EYA1: variants seen among roughly 807,000 people sequenced by gnomAD.
EYA1 encodes protein phosphatase EYA1.
A neutral mutation model predicts 82.0 loss-of-function variants in EYA1; 16 were observed. The ratio of observed to expected loss-of-function variants is 0.20; its 90% CI spans 0.13 to 0.30. The LOEUF is 0.30. Ranked by LOEUF, EYA1 falls within the 10% of genes least tolerant of loss-of-function variation. The pLI, the probability that EYA1 is intolerant of heterozygous loss-of-function variation, is 1.00. For synonymous variants in EYA1, 261 were observed against 264.4 expected (o/e 0.99, Z 0.12); for missense variants, 633 against 730.7 (o/e 0.87, Z 1.54).
chr8:71,291,103 C>T (rs959685701), intron 9 of EYA1, among the ~76,000 whole-genome samples: 1 of 152,182 alleles, frequency 6.6e-6, no homozygotes, highest in African/African-American at 2.4e-5. Flanking sequence ...CATCAAGACG[C>T]TTGCTATTGC....
chr8:71,207,507 T>C (rs1807952387), intron 17 of EYA1, among the ~76,000 whole-genome samples: 1 of 152,018 alleles, frequency 6.6e-6, no homozygotes, highest in Non-Finnish European at 1.5e-5. Flanking sequence ...GTACAAAGAG[T>C]GGTTTGCAGC....
At chr8:71,361,207 T>C (rs1827340893) in intron 1 of EYA1, among the ~76,000 whole-genome samples, 1 of 152,256 alleles carries the variant, frequency 6.6e-6, no homozygotes, top group African/African-American at 2.4e-5. Flanking sequence ...GCTTCATTTT[T>C]TTCATATCAA....
Position 71,199,272 on chromosome 8 carries a change from A to G in EYA1, c.*68T>C. ...AGTTCTGGAGGCCGGCGCTGATGCGAGACTGGGGCCTGCTGGATCTGTCCC... is the reference window on the plus strand; with the variant it reads ...AGTTCTGGAGGCCGGCGCTGATGCGGGACTGGGGCCTGCTGGATCTGTCCC... On this transcript the variant is annotated 3_prime_UTR_variant, in exon 18 of 18. Coordinates refer to ENST00000340726, the MANE Select transcript of EYA1 (RefSeq NM_000503.6). 8.4e-7 allele frequency: 1 copy of G among 1,197,030 alleles called. No individual in the cohort carries two copies. Among genetic ancestry groups the G allele is most frequent in the Non-Finnish European group, 1.2e-6 (1 of 823,116 alleles). 74.2% of individuals were successfully genotyped at this position (1,197,030 alleles called of 1,614,324 possible).
rs548015296 is a variant in EYA1, at chr8:71,198,872, A to T, written c.*468T>A. 1 of 187,960 alleles carries T rather than the reference A, an allele frequency of 5.3e-6. No individual in the cohort carries two copies. The highest frequency in any genetic ancestry group is 1.1e-5 in the Non-Finnish European group (1 of 88,800). The allele number at this position is 187,960 out of a possible 1,614,324, so 11.6% of individuals were successfully genotyped here. A position where few individuals can be genotyped will look rare whatever the true frequency, so the allele number is the denominator to read the frequency against. On this transcript the variant is annotated 3_prime_UTR_variant, in exon 18 of 18. Coordinates refer to ENST00000340726, the MANE Select transcript of EYA1 (RefSeq NM_000503.6). ...AAAGTCTGTTCATAAATAAGTAGAG[A>T]TGTACAGATTACCCTGGGTATGAGA...
intron 2 of EYA1, among the ~76,000 whole-genome samples, chr8:71,431,671 G>C (rs115990546): frequency 6.6e-6 from 1 of 152,072 alleles, no homozygotes; most frequent in African/African-American, 2.4e-5. Context: ...TTTGAGGAAA[G>C]TCTTCTTTTA....
rs564266290 is a variant in EYA1, at chr8:71,425,585, T to C, written c.34-69074A>G. The stretch of plus-strand genomic sequence containing the variant: ...CAACCATAAGGGGGGAAATTTCCCT[T>C]ATCTAAGGAGCTTAGTATCAATAAG... On this transcript the variant is annotated intron_variant, in intron 2 of 18. Transcript: ENST00000643681. Among the ~76,000 whole-genome samples the C allele has an allele frequency of 1.7e-3, 263 of 152,322 alleles. 2 individuals are homozygous for C. Among genetic ancestry groups the C allele is most frequent in the African/African-American group, 6.1e-3 (252 of 41,586 alleles).
intron 9 of EYA1, among the ~76,000 whole-genome samples, chr8:71,297,662 T>C (rs1819735494): frequency 6.6e-6 from 1 of 152,182 alleles, no homozygotes; most frequent in Non-Finnish European, 1.5e-5. Context: ...TTCCTCATGA[T>C]GCCTATATGA....
intron 17 of EYA1, among the ~76,000 whole-genome samples, chr8:71,207,678 A>AAAC (rs1243450716): frequency 6.6e-6 from 1 of 152,218 alleles, no homozygotes; most frequent in Non-Finnish European, 1.5e-5. Flanking sequence ...GTCCAAAGAT[A>AAAC]AACAGTGGAA....
chr8:71,451,056 G>T (rs1222046475), intron 2 of EYA1, among the ~76,000 whole-genome samples: 2 of 152,162 alleles, frequency 1.3e-5, no homozygotes, highest in Non-Finnish European at 2.9e-5. Context: ...AATTGTGAAG[G>T]ATTTAGATCA....
chr8:71,199,902 A>T (rs1465994109), intron 17 of EYA1: 1 of 168,208 alleles, frequency 5.9e-6, no homozygotes, highest in African/African-American at 2.4e-5. Context: ...GTTATTCTTC[A>T]TATTGACCTT....
intron 6 of EYA1, among the ~76,000 whole-genome samples, chr8:71,318,618 C>CT (rs1314190425): frequency 6.6e-6 from 1 of 152,130 alleles, no homozygotes; most frequent in Non-Finnish European, 1.5e-5. Context: ...CTCCTTCATT[C>CT]TCACAGAGGG....
chr8:71,217,656 T>A (rs1809384185), intron 12 of EYA1, among the ~76,000 whole-genome samples: 1 of 138,846 alleles, frequency 7.2e-6, no homozygotes, highest in African/African-American at 2.7e-5. Flanking sequence ...AAATAAAAAG[T>A]CAAACCATGT....
rs145219836 is a variant in EYA1 at position 71,244,661 on chromosome 8, C to T, written c.1082G>A (p.Arg361Gln). 2.0e-5 allele frequency: 33 copies of T among 1,610,722 alleles called. No homozygotes were observed. The East Asian group carries it at 4.2e-4, about 21-fold the overall frequency. ...CAAGTTGAAAATCATTTCTTCCATT[C>T]GCAGTCCAAGGGAAACTGAAGTGGG... Reference protein sequence around the residue: ...DPPTSVSLGLRMEEMIFNLAD... With the variant: ...DPPTSVSLGLQMEEMIFNLAD... The change falls in exon 12 of 18, where the codon CGA becomes CAA. Residue 361 changes from arginine to glutamine, a missense_variant. By Grantham distance (43) the Arg-to-Gln change is conservative. Coordinates refer to ENST00000340726, the MANE Select transcript of EYA1 (RefSeq NM_000503.6).
chr8:71,254,221 A>C (rs1814103919), intron 11 of EYA1, among the ~76,000 whole-genome samples: 1 of 141,460 alleles, frequency 7.1e-6, no homozygotes, highest in Non-Finnish European at 1.5e-5. Context: ...TCAAGGATAT[A>C]CCCCATCTAT....
At chr8:71,472,788 G>GAGATAT (rs71555582) in intron 2 of EYA1, among the ~76,000 whole-genome samples, 4,643 of 126,754 alleles carry the variant, frequency 0.037, 95 homozygotes, top group East Asian at 0.085. Flanking sequence ...TAGCTTTGAA[G>GAGATAT]ATATATATAT....
intron 2 of EYA1, among the ~76,000 whole-genome samples, chr8:71,376,039 T>C (rs1828351080): frequency 6.6e-6 from 1 of 152,220 alleles, no homozygotes; most frequent in Non-Finnish European, 1.5e-5. Context: ...GTGTATAAAT[T>C]ATTGACAAAT....
At chr8:71,531,911 A>T (rs1168820498) in intron 2 of EYA1, among the ~76,000 whole-genome samples, 2 of 152,214 alleles carry the variant, frequency 1.3e-5, no homozygotes, top group Admixed American at 6.5e-5. Context: ...TGTGGGAGAC[A>T]CATAAGCAGA....
chr8:71,211,229 A>T lies in EYA1; in HGVS notation c.1625T>A (p.Ile542Asn), dbSNP rs1410459961. 6.2e-7 allele frequency: 1 copy of T among 1,612,898 alleles called. No individual in the cohort carries two copies. Among genetic ancestry groups the T allele is most frequent in the African/African-American group, 1.3e-5 (1 of 74,934 alleles). The change falls in exon 17 of 18, where the codon ATT becomes AAT. Residue 542 changes from isoleucine to asparagine, a missense_variant. Ile to Asn is a moderately radical substitution (Grantham distance 149, BLOSUM62 -3). Coordinates refer to ENST00000340726, the MANE Select transcript of EYA1 (RefSeq NM_000503.6). ...CACCACTTTTCTTCCAAACCTTTGA[A>T]TTATTCTCTCAAAACAGCTTTCTTT... ...IGKESCFERI[I>N]QRFGRKVVYV... is the part of the protein sequence containing the mutation.
At chr8:71,337,817 G>A (rs932913980) in intron 3 of EYA1, among the ~76,000 whole-genome samples, 1 of 152,098 alleles carries the variant, frequency 6.6e-6, no homozygotes, top group Admixed American at 6.6e-5. Flanking sequence ...GTAATACCAG[G>A]AACAATATAG....
Sources: allele counts gnomAD v4.1 joint callset (sites outside exome capture counted in the v4.1 genomes callset), GRCh38; gene constraint gnomAD v4.1.1; transcripts MANE v1.5; gene names NCBI Gene and HGNC (gene_info 2026-07-23, HGNC 2026-07-21).